The following CAMK1D variants were observed in gnomAD, a reference collection of about 807,000 sequenced individuals.
The protein encoded by CAMK1D is calcium/calmodulin dependent protein kinase ID.
A neutral mutation model predicts 47.7 loss-of-function variants in CAMK1D; 9 were observed. That is an observed-to-expected ratio of 0.19 (90% CI 0.11 to 0.33). CAMK1D has a LOEUF of 0.33. CAMK1D is among the 10% of genes least tolerant of loss of function. The probability of loss-of-function intolerance (pLI) is 1.00; values close to 1 mark genes in which losing one functional copy is unlikely to be tolerated. For synonymous variants in CAMK1D, 184 were observed against 184.9 expected (o/e 0.99, Z 0.04); for missense variants, 291 against 488.7 (o/e 0.60, Z 3.81).
chr10:12,517,487 G>A (rs1483309154), intron 1 of CAMK1D, among the ~76,000 whole-genome samples: 4 of 152,198 alleles, frequency 2.6e-5, no homozygotes, highest in African/African-American at 9.6e-5. Context: ...TTACCCTAAA[G>A]TATGATGTTA....
chr10:12,588,359 C>T (rs1320424455), intron 2 of CAMK1D, among the ~76,000 whole-genome samples: 1 of 152,022 alleles, frequency 6.6e-6, no homozygotes, highest in Admixed American at 6.6e-5. Flanking sequence ...CTAGCTTCAT[C>T]CTTAAGGGCT....
intron 4 of CAMK1D, among the ~76,000 whole-genome samples, chr10:12,768,325 G>T (rs531288908): frequency 3.3e-5 from 5 of 152,078 alleles, no homozygotes; most frequent in Non-Finnish European, 1.5e-5. Flanking sequence ...TTTTCCCTCC[G>T]GCTTAGTGAT....
chr10:12,684,280 C>A (rs925199565), intron 3 of CAMK1D, among the ~76,000 whole-genome samples: 1 of 151,972 alleles, frequency 6.6e-6, no homozygotes, highest in Non-Finnish European at 1.5e-5. Context: ...TTGATGTTTT[C>A]GGTGGATGGA....
intron 4 of CAMK1D, among the ~76,000 whole-genome samples, chr10:12,765,879 G>T (rs572917313): frequency 1.3e-5 from 2 of 149,912 alleles, no homozygotes; most frequent in South Asian, 4.3e-4. Context: ...TGTGCCATTT[G>T]TATAGGACAC....
intron 1 of CAMK1D, among the ~76,000 whole-genome samples, chr10:12,507,033 G>A (rs1411777479): frequency 2.6e-5 from 4 of 152,204 alleles, no homozygotes; most frequent in Non-Finnish European, 4.4e-5. Flanking sequence ...ATTAATAGAG[G>A]AAATGATGTA....
At chr10:12,686,980 C>G (rs191885832) in intron 3 of CAMK1D, among the ~76,000 whole-genome samples, 27 of 152,226 alleles carry the variant, frequency 1.8e-4, no homozygotes, top group African/African-American at 6.5e-4. Context: ...ATAATTCTCA[C>G]AGCAGTGAGA....
chr10:12,588,975 A>G (rs187599844), intron 2 of CAMK1D, among the ~76,000 whole-genome samples: 191 of 152,172 alleles, frequency 1.3e-3, no homozygotes, highest in Middle Eastern at 3.4e-3. Flanking sequence ...TGTTACATAC[A>G]TACATACATA....
intron 2 of CAMK1D, among the ~76,000 whole-genome samples, chr10:12,613,335 C>T (rs10795970): frequency 6.6e-6 from 1 of 152,126 alleles, no homozygotes; most frequent in East Asian, 1.9e-4. Context: ...AATATCACAG[C>T]CTGTGGCATT....
At chr10:12,364,657 G>A (rs1224773397) in intron 1 of CAMK1D, among the ~76,000 whole-genome samples, 1 of 152,142 alleles carries the variant, frequency 6.6e-6, no homozygotes, top group East Asian at 1.9e-4. Flanking sequence ...GCATGCATGT[G>A]TTATGGTATG....
chr10:12,760,857 C>T (rs1836469689), intron 3 of CAMK1D, 91 bp from the exon 4 acceptor site: 1 of 1,411,954 alleles, frequency 7.1e-7, no homozygotes, highest in South Asian at 1.3e-5. Context: ...TTCATTTTTG[C>T]AATAAAGTTT....
intron 1 of CAMK1D, among the ~76,000 whole-genome samples, chr10:12,396,901 A>G (rs1838981864): frequency 6.6e-6 from 1 of 152,214 alleles, no homozygotes; most frequent in African/African-American, 2.4e-5. Context: ...TGAGGGGCCC[A>G]GGAAGACGCT....
chr10:12,387,884 G>A (rs1229369961), intron 1 of CAMK1D, among the ~76,000 whole-genome samples: 1 of 152,116 alleles, frequency 6.6e-6, no homozygotes, highest in Non-Finnish European at 1.5e-5. Context: ...CATTGTGAAA[G>A]ACTGGGCTCA....
At chr10:12,734,070 G>A (rs993782037) in intron 3 of CAMK1D, among the ~76,000 whole-genome samples, 1 of 151,784 alleles carries the variant, frequency 6.6e-6, no homozygotes, top group African/African-American at 2.4e-5. Flanking sequence ...GCTCCTGCCT[G>A]TAAGCCCAGC....
At chr10:12,763,594 A>G (rs1836603275) in intron 4 of CAMK1D, among the ~76,000 whole-genome samples, 1 of 152,216 alleles carries the variant, frequency 6.6e-6, no homozygotes, top group Non-Finnish European at 1.5e-5. Context: ...GCTTCTGCCC[A>G]TGGATACGAG....
chr10:12,796,325 G>A (rs1394716889), intron 6 of CAMK1D, among the ~76,000 whole-genome samples: 1 of 152,108 alleles, frequency 6.6e-6, no homozygotes, highest in Non-Finnish European at 1.5e-5. Flanking sequence ...AGAAACTCTA[G>A]GCAAAACGCT....
At chr10:12,816,453 C>A in intron 8 of CAMK1D, 125 bp downstream of exon 8, 1 of 769,396 alleles carries the variant, frequency 1.3e-6, no homozygotes, top group Non-Finnish European at 2.1e-6. Context: ...TCATCTCATT[C>A]TGGCCAGTGA....
chr10:12,612,538 A>T lies in CAMK1D; in HGVS notation c.225-54198A>T, dbSNP rs939402401. On this transcript the variant is annotated intron_variant, in intron 2 of 10. Coordinates refer to ENST00000619168, the MANE Select transcript of CAMK1D (RefSeq NM_153498.4). Reference sequence around the variant, plus strand: ...GTTGGGTTTTAATACTGTGGGTTTAATGGTGTCCTGGATGTACCAGGAAGT... The same window carrying T: ...GTTGGGTTTTAATACTGTGGGTTTATTGGTGTCCTGGATGTACCAGGAAGT... 6.6e-5 allele frequency among the ~76,000 whole-genome samples: 10 copies of T among 151,994 alleles called. 1 individual carries two copies.
chr10:12,526,198 T>C (rs1167657121), intron 1 of CAMK1D, among the ~76,000 whole-genome samples: 1 of 152,260 alleles, frequency 6.6e-6, no homozygotes, highest in African/African-American at 2.4e-5. Context: ...GGCAAGTCTG[T>C]CCTGTCTTTT....
At chr10:12,373,792 A>C (rs1044762470) in intron 1 of CAMK1D, among the ~76,000 whole-genome samples, 17 of 151,416 alleles carry the variant, frequency 1.1e-4, no homozygotes, top group African/African-American at 3.9e-4. Context: ...CTCAGGGGGC[A>C]GTCCAGATGC....
Sources: allele counts gnomAD v4.1 joint callset (sites outside exome capture counted in the v4.1 genomes callset), GRCh38; gene constraint gnomAD v4.1.1; transcripts MANE v1.5; gene names NCBI Gene and HGNC (gene_info 2026-07-23, HGNC 2026-07-21).